SH3BP4: variants seen among roughly 807,000 people sequenced by gnomAD.
SH3BP4 encodes the protein SH3 domain binding protein 4.
In SH3BP4, 33 loss-of-function variants were observed where a neutral mutation model predicts 65.5. The observed-to-expected ratio is 0.50, with a 90% CI of 0.38 to 0.67. The LOEUF (loss-of-function observed/expected upper bound fraction) is 0.67. SH3BP4 is among the 30% of genes least tolerant of loss of function. The pLI is 0.00. For missense variants in SH3BP4, 1,134 were observed against 1,261.4 expected (o/e 0.90, Z 1.53); for synonymous variants, 552 against 545.5 (o/e 1.01, Z -0.17).
At chr2:234,970,066 C>G (rs924809509) in intron 1 of SH3BP4, among the ~76,000 whole-genome samples, 1 of 129,808 alleles carries the variant, frequency 7.7e-6, no homozygotes. Context: ...CTCATACACA[C>G]ACTCACACTG....
At chr2:234,999,151 A>C (rs1694021180) in intron 2 of SH3BP4, among the ~76,000 whole-genome samples, 1 of 152,180 alleles carries the variant, frequency 6.6e-6, no homozygotes, top group Non-Finnish European at 1.5e-5. Context: ...GGAGAAAGAA[A>C]CGTGAGCTGC....
At chr2:235,013,139 G>C (rs1694570325) in intron 2 of SH3BP4, among the ~76,000 whole-genome samples, 2 of 152,230 alleles carry the variant, frequency 1.3e-5, no homozygotes, top group Admixed American at 6.5e-5. Flanking sequence ...AGTTGTGAGA[G>C]AAGACACATT....
rs2106270058 is a variant in SH3BP4, at chr2:234,991,712, C to G, written c.-206-3591C>G. On this transcript the variant is annotated intron_variant, in intron 1 of 5. Transcript: ENST00000392011. The surrounding 1 kb of genome is among the most constrained non-coding windows in gnomAD (Gnocchi z 4.2). Reference sequence around the variant, plus strand: ...CAGCAAGGCGGTCCTTGTCCAGAGGCCTTGGGCCTCTGGAGAGGTTGATCA... The same window carrying G: ...CAGCAAGGCGGTCCTTGTCCAGAGGGCTTGGGCCTCTGGAGAGGTTGATCA... Among the ~76,000 whole-genome samples the G allele has an allele frequency of 6.6e-6, 1 of 152,342 alleles. No homozygotes were observed. Among genetic ancestry groups the G allele is most frequent in the African/African-American group, 2.4e-5 (1 of 41,576 alleles).
intron 1 of SH3BP4, among the ~76,000 whole-genome samples, chr2:234,960,917 A>G (rs10168235): frequency 0.13 from 20,220 of 152,172 alleles, 1,446 homozygotes; most frequent in East Asian, 0.23. Context: ...AGCCATTGTC[A>G]GGGAACAATA....
chr2:234,971,615 A>G (rs1047777674), intron 1 of SH3BP4, among the ~76,000 whole-genome samples: 1 of 152,186 alleles, frequency 6.6e-6, no homozygotes, highest in African/African-American at 2.4e-5. Flanking sequence ...TCGACAGTGT[A>G]CAAGGGTTCC....
At chr2:235,024,496 G>A (rs1280602985) in intron 2 of SH3BP4, among the ~76,000 whole-genome samples, 2 of 152,148 alleles carry the variant, frequency 1.3e-5, no homozygotes, top group Non-Finnish European at 2.9e-5. Context: ...CCTCAGACAT[G>A]GCATGTGTGT....
chr2:234,953,018 C>A (rs1368650846), intron 1 of SH3BP4: 1 of 152,300 alleles, frequency 6.6e-6, no homozygotes, highest in Non-Finnish European at 1.5e-5. Context: ...GCGGGAGGAG[C>A]CGCGGGAGAG....
chr2:235,052,426 C>T lies in SH3BP4; in HGVS notation c.2479-136C>T. On this transcript the variant is annotated intron_variant, in intron 4 of 5. Coordinates refer to ENST00000392011, the MANE Select transcript of SH3BP4 (RefSeq NM_014521.3). This position sits in a 1 kb window ranked among gnomAD's most constrained non-coding sequence, Gnocchi z 5.0. Reference sequence around the variant, plus strand: ...CCTGGCAGTGATCGATTTCAGGGGACATTTGGTAGTAGGCCAGGGAACATG... The same window carrying T: ...CCTGGCAGTGATCGATTTCAGGGGATATTTGGTAGTAGGCCAGGGAACATG... 1.6e-6 allele frequency: 1 copy of T among 628,372 alleles called. No individual in the cohort carries two copies. Among genetic ancestry groups the T allele is most frequent in the East Asian group, 2.9e-5 (1 of 35,008 alleles). 38.9% of individuals were successfully genotyped at this position (628,372 alleles called of 1,614,324 possible). A position where few individuals can be genotyped will look rare whatever the true frequency, so the allele number is the denominator to read the frequency against.
chr2:234,990,525 G>C (rs1475409217), intron 1 of SH3BP4, among the ~76,000 whole-genome samples: 1 of 152,220 alleles, frequency 6.6e-6, no homozygotes, highest in Non-Finnish European at 1.5e-5. Flanking sequence ...GTGTGTTCCT[G>C]CATATTCCCT....
At chr2:234,954,971 C>G (rs142318984) in intron 1 of SH3BP4, among the ~76,000 whole-genome samples, 99 of 152,278 alleles carry the variant, frequency 6.5e-4, no homozygotes, top group African/African-American at 2.2e-3. Flanking sequence ...CTTGTTTTGA[C>G]CGAGTAGGAG....
chr2:234,984,969 G>A (rs1693501793), intron 1 of SH3BP4, among the ~76,000 whole-genome samples: 1 of 152,172 alleles, frequency 6.6e-6, no homozygotes, highest in South Asian at 2.1e-4. Flanking sequence ...CATTTGAGGA[G>A]CCATGAGACT....
Position 235,041,817 on chromosome 2 carries a change from G to C in SH3BP4, c.1048G>C (p.Glu350Gln), listed in dbSNP as rs146281552. 7.1e-5 allele frequency: 113 copies of C among 1,599,298 alleles called. No individual in the cohort carries two copies. The African/African-American group carries it at 1.3e-3, about 19-fold the overall frequency. ...HVPEGHVAPG[E>Q]TQQISMKALL... is the part of the protein sequence containing the mutation. ...GCCCGAGGGCCACGTCGCCCCTGGG[G>C]AGACCCAGCAGATCTCCATGAAAGC... The change falls in exon 4 of 6, where the codon GAG becomes CAG. Residue 350 changes from glutamate to glutamine, a missense_variant. Glu to Gln is a conservative substitution (Grantham distance 29). Coordinates refer to ENST00000392011, the MANE Select transcript of SH3BP4 (RefSeq NM_014521.3). This position sits in a 1 kb window ranked among gnomAD's most constrained non-coding sequence, Gnocchi z 6.0.
chr2:234,962,756 T>C (rs1692744152), intron 1 of SH3BP4, among the ~76,000 whole-genome samples: 1 of 152,082 alleles, frequency 6.6e-6, no homozygotes, highest in Non-Finnish European at 1.5e-5. Context: ...GCTTTTTTTT[T>C]TTGAGACTTT....
chr2:235,007,072 G>A (rs1420239772), intron 2 of SH3BP4, among the ~76,000 whole-genome samples: 2 of 151,796 alleles, frequency 1.3e-5, no homozygotes, highest in African/African-American at 4.8e-5. Context: ...GGTCAGAATG[G>A]AAATGAATTC....
chr2:234,968,768 T>C (rs941672712), intron 1 of SH3BP4, among the ~76,000 whole-genome samples: 15 of 152,240 alleles, frequency 9.9e-5, no homozygotes, highest in Non-Finnish European at 2.2e-4. Context: ...TTCGGCATAA[T>C]TGGATGTTTC....
intron 1 of SH3BP4, among the ~76,000 whole-genome samples, chr2:234,989,378 C>T (rs764354366): frequency 9.2e-5 from 14 of 152,206 alleles, no homozygotes; most frequent in South Asian, 2.1e-4. Flanking sequence ...ACCACACCTA[C>T]GTCTGCTTTT....
At chr2:235,037,200 G>C (rs1453622326) in intron 3 of SH3BP4, among the ~76,000 whole-genome samples, 2 of 152,168 alleles carry the variant, frequency 1.3e-5, no homozygotes, top group African/African-American at 2.4e-5. Flanking sequence ...GTGAATCTGG[G>C]TAACACTCCT....
chr2:235,041,369 C>T lies in SH3BP4; in HGVS notation c.600C>T (p.Ser200=). 6.2e-7 allele frequency: 1 copy of T among 1,614,212 alleles called. No homozygotes were observed. The highest frequency in any genetic ancestry group is 1.1e-5 in the South Asian group (1 of 91,086). The part of the protein sequence containing the change: ...VDLLLFDAGT[S]SFTESSSATT... ...TGCTCCTTTTTGACGCAGGTACATC[C>T]TCCTTCACCGAATCCAGCTCAGCCA... The change falls in exon 4 of 6, where the codon TCC becomes TCT. Residue 200 remains serine (S), a synonymous_variant. Transcript: ENST00000392011. The surrounding 1 kb of genome is among the most constrained non-coding windows in gnomAD (Gnocchi z 6.0).
rs1203150548 is a variant in SH3BP4 at position 235,045,338 on chromosome 2, C to T, written c.2478+2091C>T. Among the ~76,000 whole-genome samples, 1 of 152,194 alleles carries T rather than the reference C, an allele frequency of 6.6e-6. No individual in the cohort carries two copies. The highest frequency in any genetic ancestry group is 1.5e-5 in the Non-Finnish European group (1 of 68,038). ...CCACACCAGCTGTGGAAAATAACCGCCGAGTAGGTGGCTTTTACACTCATT... is the reference window on the plus strand; with the variant it reads ...CCACACCAGCTGTGGAAAATAACCGTCGAGTAGGTGGCTTTTACACTCATT... On this transcript the variant is annotated intron_variant, in intron 4 of 5. Transcript: ENST00000392011. This position sits in a 1 kb window ranked among gnomAD's most constrained non-coding sequence, Gnocchi z 4.3.
Sources: gnomAD v4.1 joint callset for allele counts (sites outside exome capture counted in the v4.1 genomes callset) on GRCh38, gnomAD v4.1.1 for gene constraint, Gnocchi (gnomAD v3.1) non-coding constraint, MANE v1.5 for transcripts, NCBI Gene and HGNC (gene_info 2026-07-23, HGNC 2026-07-21) for gene names.